The following ST3GAL6 variants were observed in gnomAD, a reference collection of about 807,000 sequenced individuals.
ST3GAL6 encodes type 2 lactosamine alpha-2,3-sialyltransferase.
A neutral mutation model predicts 40.5 loss-of-function variants in ST3GAL6; 31 were observed. The observed-to-expected ratio is 0.77, with a 90% CI of 0.58 to 1.03. The LOEUF (loss-of-function observed/expected upper bound fraction) is 1.03. Among genes scored for constraint, ST3GAL6 ranks in the 50% least tolerant of loss-of-function variants. ST3GAL6 has a pLI of 0.00. For synonymous variants in ST3GAL6, 129 were observed against 136.9 expected (o/e 0.94, Z 0.40); for missense variants, 357 against 393.2 (o/e 0.91, Z 0.78).
At chr3:98,782,210 CAGAG>C (rs1576116987) in intron 5 of ST3GAL6, 2 of 696,244 alleles carry the variant, frequency 2.9e-6, no homozygotes, top group Non-Finnish European at 5.2e-6. Context: ...TATTTAGAAA[CAGAG>C]AGCCCAGGAC....
At chr3:98,761,178 A>G (rs187394055), upstream of ST3GAL6, among the ~76,000 whole-genome samples, 25 of 152,302 alleles carry the variant, frequency 1.6e-4, no homozygotes, top group African/African-American at 5.5e-4. Flanking sequence ...ATTTTAGTGT[A>G]TAAAAATTTT....
chr3:98,768,560 T>C, intron 2 of ST3GAL6, 31 bp downstream of exon 2: 2 of 1,491,410 alleles, frequency 1.3e-6, no homozygotes, highest in Non-Finnish European at 1.9e-6. Flanking sequence ...TAAAAATAAC[T>C]CTCAACCTAG....
At chr3:98,782,876 A>AT (rs1940280710) in intron 5 of ST3GAL6, 1 of 453,618 alleles carries the variant, frequency 2.2e-6, no homozygotes, top group Non-Finnish European at 4.4e-6. Flanking sequence ...GGAGTCTGAG[A>AT]TAAAAGGGGA....
At chr3:98,784,184 G>A (rs989484987) in intron 5 of ST3GAL6, among the ~76,000 whole-genome samples, 27 of 152,210 alleles carry the variant, frequency 1.8e-4, no homozygotes, top group African/African-American at 5.3e-4. Flanking sequence ...GTTCCCTAGC[G>A]GGCAAGGACA....
In ST3GAL6 at chr3:98,771,404, C is replaced by T. The variant is rs564893326; in HGVS notation, c.167+448C>T. ...TAGAATGCAAATAATGATTAATCTA[C>T]ATAAAATGTCAATGATTGTTGATTG... is the stretch of plus-strand genomic sequence containing the variant. On this transcript the variant is annotated intron_variant, in intron 3 of 9. Transcript: ENST00000483910. Among the ~76,000 whole-genome samples, 8 of 152,242 alleles carry T rather than the reference C, an allele frequency of 5.3e-5. No homozygotes were observed. In the South Asian group the frequency reaches 1.0e-3, roughly 20 times the overall value.
chr3:98,738,978 A>C (rs998166110), intron 1 of ST3GAL6, among the ~76,000 whole-genome samples: 8 of 152,222 alleles, frequency 5.3e-5, no homozygotes, highest in African/African-American at 1.4e-4. Flanking sequence ...CAAATTCAAA[A>C]AAACCAAAAT....
At chr3:98,749,828 C>G (rs970223878) in intron 1 of ST3GAL6, among the ~76,000 whole-genome samples, 1 of 152,164 alleles carries the variant, frequency 6.6e-6, no homozygotes, top group Non-Finnish European at 1.5e-5. Context: ...AGAAAGACAT[C>G]AGAGAGTTTT....
chr3:98,772,957 T>C (rs779352013), intron 4 of ST3GAL6, 41 bp downstream of exon 4: 1 of 1,270,854 alleles, frequency 7.9e-7, no homozygotes. Context: ...TAAATTTGAG[T>C]GGTGTTTGAT....
At chr3:98,777,807 T>C (rs1939695989) in intron 5 of ST3GAL6, among the ~76,000 whole-genome samples, 1 of 152,196 alleles carries the variant, frequency 6.6e-6, no homozygotes, top group Non-Finnish European at 1.5e-5. Flanking sequence ...ACAGCCAACA[T>C]AAGGTGACTA....
rs1276413553 is a variant in ST3GAL6, at chr3:98,785,030, GTAA to G, written c.428_430del (p.Ile143del). On this transcript the variant is annotated inframe_deletion, in exon 6 of 10. Coordinates refer to ENST00000483910, the MANE Select transcript of ST3GAL6 (RefSeq NM_001323368.2). Reference sequence around the variant, plus strand: ...AGGAGAAAAAATCGACTCCTATGATGTAATAATAAGGTAAATATATTTTCTATT... The same window carrying G: ...AGGAGAAAAAATCGACTCCTATGATGTAATAAGGTAAATATATTTTCTATT... 1.3e-6 allele frequency: 2 copies of G among 1,592,814 alleles called. No homozygotes were observed. The highest frequency in any genetic ancestry group is 2.7e-5 in the African/African-American group (2 of 74,458).
At chr3:98,745,244 G>A (rs1346875911) in intron 1 of ST3GAL6, among the ~76,000 whole-genome samples, 1 of 152,138 alleles carries the variant, frequency 6.6e-6, no homozygotes, top group African/African-American at 2.4e-5. Context: ...ATGTTGGTCA[G>A]GTTGGTCTCA....
intron 8 of ST3GAL6, 113 bp from the exon 9 acceptor site, chr3:98,791,728 C>T: frequency 1.0e-6 from 1 of 954,770 alleles, no homozygotes; most frequent in Non-Finnish European, 1.6e-6. Flanking sequence ...AGTTATTTCT[C>T]TCCTTATTAA....
chr3:98,781,919 G>A (rs1393727387), intron 5 of ST3GAL6, among the ~76,000 whole-genome samples: 2 of 152,164 alleles, frequency 1.3e-5, no homozygotes, highest in Non-Finnish European at 2.9e-5. Flanking sequence ...GCTTTAGGAG[G>A]TGTAGCCTCT....
At chr3:98,782,807 C>G in intron 5 of ST3GAL6, 1 of 511,848 alleles carries the variant, frequency 2.0e-6, no homozygotes. Context: ...TCAGGAGAAA[C>G]AGGAGTTGAA....
intron 1 of ST3GAL6, chr3:98,733,033 G>A (rs1452314614): frequency 2.1e-6 from 3 of 1,431,920 alleles, no homozygotes; most frequent in Non-Finnish European, 2.7e-6. Context: ...TGGGGGTGCG[G>A]GAAGACCGGT....
intron 1 of ST3GAL6, among the ~76,000 whole-genome samples, chr3:98,766,188 A>C (rs1330600158): frequency 6.6e-6 from 1 of 152,208 alleles, no homozygotes. Context: ...ACAACAAAAC[A>C]ATAACACAAG....
At chr3:98,780,693 T>C (rs1940015035) in intron 5 of ST3GAL6, among the ~76,000 whole-genome samples, 1 of 152,198 alleles carries the variant, frequency 6.6e-6, no homozygotes, top group Non-Finnish European at 1.5e-5. Flanking sequence ...TCTTGGCTTA[T>C]AGGGTATGTG....
intron 6 of ST3GAL6, among the ~76,000 whole-genome samples, chr3:98,786,226 CTG>C (rs529234935): frequency 1.4e-3 from 216 of 151,966 alleles, no homozygotes; most frequent in Middle Eastern, 0.014. Context: ...CAAGGAGAGA[CTG>C]AGAGAGAGAG....
intron 1 of ST3GAL6, chr3:98,732,916 A>G (rs1935156207): frequency 6.6e-7 from 1 of 1,507,088 alleles, no homozygotes; most frequent in Non-Finnish European, 8.8e-7. Flanking sequence ...GCGGCCCCTC[A>G]GGTCTCGGAG....
Sources: gnomAD v4.1 joint callset for allele counts (sites outside exome capture counted in the v4.1 genomes callset) on GRCh38, gnomAD v4.1.1 for gene constraint, MANE v1.5 for transcripts, NCBI Gene and HGNC (gene_info 2026-07-23, HGNC 2026-07-21) for gene names.